The following HYDIN variants were observed in gnomAD, a reference collection of about 807,000 sequenced individuals.
The protein encoded by HYDIN is HYDIN axonemal central pair apparatus protein, also known as axonemal central pair apparatus protein HYDIN.
Under a neutral mutation model 403.9 loss-of-function variants are expected in HYDIN, and 132 were observed. The ratio of observed to expected loss-of-function variants is 0.33; its 90% CI spans 0.28 to 0.38. HYDIN has a LOEUF of 0.38. HYDIN is among the 10% of genes least tolerant of loss of function. The probability of loss-of-function intolerance (pLI) is 1.00; values close to 1 mark genes in which losing one functional copy is unlikely to be tolerated. For synonymous variants in HYDIN, 1,202 were observed against 1,891.7 expected (o/e 0.64, Z 9.46); for missense variants, 2,827 against 5,009.5 (o/e 0.56, Z 13.15).
intron 23 of HYDIN, among the ~76,000 whole-genome samples, chr16:71,000,093 T>C (rs1312685949): frequency 6.6e-6 from 1 of 151,244 alleles, no homozygotes; most frequent in Non-Finnish European, 1.5e-5. Context: ...CAGTAGATTG[T>C]AGCTAGCTTT....
At chr16:71,115,362 C>T (rs1416461235) in intron 10 of HYDIN, among the ~76,000 whole-genome samples, 11 of 152,322 alleles carry the variant, frequency 7.2e-5, no homozygotes, top group South Asian at 2.1e-4. Flanking sequence ...TCTCCCCAGT[C>T]GTGCTGATCT....
intron 47 of HYDIN, among the ~76,000 whole-genome samples, chr16:70,914,415 C>T (rs967496790): frequency 6.6e-6 from 1 of 151,424 alleles, no homozygotes; most frequent in African/African-American, 2.4e-5. Context: ...TTGCTGGATA[C>T]AAAATTCTTG....
intron 39 of HYDIN, among the ~76,000 whole-genome samples, chr16:70,956,825 T>G (rs533804088): frequency 6.6e-6 from 1 of 151,946 alleles, no homozygotes; most frequent in Admixed American, 6.6e-5. Context: ...TGTGAAGCCA[T>G]GAAGTCTGTG....
At chr16:71,167,080 TAAATA>T (rs2086261668) in intron 5 of HYDIN, among the ~76,000 whole-genome samples, 2 of 148,396 alleles carry the variant, frequency 1.3e-5, no homozygotes, top group Non-Finnish European at 3.0e-5. Context: ...AATTAATAAA[TAAATA>T]AAATAAAAAC....
chr16:71,057,427 C>T (rs6499413), intron 18 of HYDIN, among the ~76,000 whole-genome samples: 20 of 143,600 alleles, frequency 1.4e-4, no homozygotes, highest in South Asian at 6.9e-4. Context: ...CTGGGACCAA[C>T]GTCTCTGGTG....
intron 75 of HYDIN, among the ~76,000 whole-genome samples, chr16:70,843,453 T>C (rs1321160346): frequency 3.2e-5 from 4 of 125,438 alleles, no homozygotes; most frequent in Non-Finnish European, 6.3e-5. Flanking sequence ...TGTTGGACAT[T>C]TGGGTTGGTT....
chr16:71,102,622 T>TA (rs1344249934), intron 10 of HYDIN, among the ~76,000 whole-genome samples: 2 of 151,788 alleles, frequency 1.3e-5, no homozygotes, highest in African/African-American at 4.8e-5. Flanking sequence ...TATTGTGTGT[T>TA]ACAGCCCGAC....
intron 37 of HYDIN, among the ~76,000 whole-genome samples, chr16:70,964,286 C>A (rs2078506112): frequency 6.7e-6 from 1 of 149,170 alleles, no homozygotes; most frequent in Admixed American, 6.8e-5. Flanking sequence ...TTGTGTGACA[C>A]ATTACTTTGC....
intron 23 of HYDIN, among the ~76,000 whole-genome samples, chr16:70,999,281 G>A (rs974859555): frequency 6.6e-6 from 1 of 151,796 alleles, no homozygotes; most frequent in Non-Finnish European, 1.5e-5. Context: ...TTCCCAAGGT[G>A]ATTCTAATGT....
intron 10 of HYDIN, among the ~76,000 whole-genome samples, chr16:71,094,192 A>G (rs1267721377): frequency 6.6e-6 from 1 of 152,060 alleles, no homozygotes; most frequent in Non-Finnish European, 1.5e-5. Context: ...AAAACAAAAG[A>G]CATTCTTTAC....
At chr16:70,943,528 G>A (rs2143889440) in intron 42 of HYDIN, among the ~76,000 whole-genome samples, 1 of 152,120 alleles carries the variant, frequency 6.6e-6, no homozygotes, top group East Asian at 1.9e-4. Flanking sequence ...CTTTTAGAAT[G>A]GCTCCACATT....
intron 5 of HYDIN, among the ~76,000 whole-genome samples, chr16:71,173,385 A>T (rs1231255208): frequency 2.0e-5 from 3 of 152,256 alleles, no homozygotes; most frequent in Non-Finnish European, 4.4e-5. Flanking sequence ...GAGTAAGATA[A>T]GCAGCTACAA....
intron 3 of HYDIN, among the ~76,000 whole-genome samples, chr16:71,182,816 G>A (rs1036915240): frequency 1.3e-5 from 2 of 152,126 alleles, no homozygotes. Flanking sequence ...AGAGAAAGAA[G>A]TTCAAGTACC....
chr16:71,117,778 T>C (rs1168037774), intron 9 of HYDIN, among the ~76,000 whole-genome samples: 2 of 152,036 alleles, frequency 1.3e-5, no homozygotes, highest in Non-Finnish European at 2.9e-5. Context: ...AACAAAATGG[T>C]TTAAAAATGC....
At chr16:70,956,972 G>A (rs2078259390) in intron 39 of HYDIN, among the ~76,000 whole-genome samples, 2 of 144,446 alleles carry the variant, frequency 1.4e-5, no homozygotes. Context: ...TTTTTATTTT[G>A]GTAAAATATA....
At chr16:70,845,650 G>A (rs903281817) in intron 75 of HYDIN, among the ~76,000 whole-genome samples, 11 of 132,194 alleles carry the variant, frequency 8.3e-5, no homozygotes, top group African/African-American at 1.1e-4. Context: ...GGTAGAATTC[G>A]GCTGTGAATC....
chr16:70,808,693 G>A (rs1260262867), intron 85 of HYDIN, among the ~76,000 whole-genome samples: 1 of 152,192 alleles, frequency 6.6e-6, no homozygotes, highest in African/African-American at 2.4e-5. Flanking sequence ...CTGATCAAGA[G>A]CCTCTGCCTC....
At chr16:71,097,476 C>T (rs1423445331) in intron 10 of HYDIN, among the ~76,000 whole-genome samples, 1 of 130,382 alleles carries the variant, frequency 7.7e-6, no homozygotes, top group Non-Finnish European at 1.6e-5. Context: ...AATATTTTGC[C>T]TTGCTTTCCT....
chr16:71,178,434 A>AATATATAT (rs1555501893), intron 4 of HYDIN, among the ~76,000 whole-genome samples: 7 of 94,544 alleles, frequency 7.4e-5, no homozygotes, highest in African/African-American at 3.2e-4. Flanking sequence ...AAAAAAAAAA[A>AATATATAT]ATATATATAT....
Sources: gnomAD v4.1 joint callset for allele counts (sites outside exome capture counted in the v4.1 genomes callset) on GRCh38, gnomAD v4.1.1 for gene constraint, MANE v1.5 for transcripts, NCBI Gene and HGNC (gene_info 2026-07-23, HGNC 2026-07-21) for gene names.